ACTR2: variants seen among roughly 807,000 people sequenced by gnomAD.
ACTR2 encodes actin-related protein 2.
Under a neutral mutation model 50.2 loss-of-function variants are expected in ACTR2, and 5 were observed. That is an observed-to-expected ratio of 0.10 (90% CI 0.05 to 0.21). ACTR2 has a LOEUF of 0.21. ACTR2 is among the 10% of genes least tolerant of loss of function. The pLI, the probability that ACTR2 is intolerant of heterozygous loss-of-function variation, is 1.00. For synonymous variants in ACTR2, 140 were observed against 162.9 expected (o/e 0.86, Z 1.07); for missense variants, 180 against 480.6 (o/e 0.37, Z 5.85).
intron 6 of ACTR2, among the ~76,000 whole-genome samples, chr2:65,256,809 T>A (rs181901978): frequency 6.6e-4 from 99 of 149,882 alleles, no homozygotes; most frequent in African/African-American, 2.3e-3. Flanking sequence ...GAGGCAGAGG[T>A]TGCAGTGAGC....
At chr2:65,241,466 T>A (rs1671838972) in intron 2 of ACTR2, among the ~76,000 whole-genome samples, 1 of 152,202 alleles carries the variant, frequency 6.6e-6, no homozygotes, top group Non-Finnish European at 1.5e-5. Context: ...GCCAAGGAAT[T>A]CCCTAGCAGC....
chr2:65,263,822 G>A (rs1005508507), intron 7 of ACTR2, among the ~76,000 whole-genome samples: 3 of 72,376 alleles, frequency 4.1e-5, no homozygotes, highest in African/African-American at 1.5e-4. Context: ...GGTGAATCAC[G>A]AGGCCGGCGA....
At chr2:65,248,102 C>G (rs977982687) in intron 3 of ACTR2, among the ~76,000 whole-genome samples, 1 of 152,042 alleles carries the variant, frequency 6.6e-6, no homozygotes, top group African/African-American at 2.4e-5. Flanking sequence ...CTTGTAGGCT[C>G]TAATTAGGAA....
intron 2 of ACTR2, among the ~76,000 whole-genome samples, chr2:65,246,012 T>C (rs1210480980): frequency 6.6e-6 from 1 of 152,238 alleles, no homozygotes; most frequent in East Asian, 1.9e-4. Flanking sequence ...AGTTGGTGTA[T>C]GTATGCATTA....
intron 4 of ACTR2, among the ~76,000 whole-genome samples, chr2:65,252,466 C>A (rs1672071411): frequency 6.6e-6 from 1 of 151,130 alleles, no homozygotes; most frequent in South Asian, 2.1e-4. Flanking sequence ...CTGTGAAACC[C>A]CGTCTCTACT....
chr2:65,237,139 A>G (rs549288369), intron 1 of ACTR2, among the ~76,000 whole-genome samples: 4 of 152,380 alleles, frequency 2.6e-5, no homozygotes, highest in African/African-American at 9.6e-5. Flanking sequence ...CTAACATTAA[A>G]TAAATGCTTG....
intron 1 of ACTR2, 36 bp downstream of exon 1, chr2:65,227,993 A>G (rs952994062): frequency 4.0e-6 from 6 of 1,481,668 alleles, no homozygotes; most frequent in Non-Finnish European, 4.5e-6. Context: ...GCGGCCACAG[A>G]CGCCGGCGGG....
chr2:65,261,077 C>G (rs1175431881), intron 6 of ACTR2, among the ~76,000 whole-genome samples, 170 bp from the exon 7 acceptor site: 3 of 149,420 alleles, frequency 2.0e-5, no homozygotes, highest in African/African-American at 7.4e-5. Flanking sequence ...AGAGCAGTTA[C>G]CTAAATCTAT....
chr2:65,249,417 CTGAT>C (rs2104000618), intron 3 of ACTR2, among the ~76,000 whole-genome samples: 1 of 152,280 alleles, frequency 6.6e-6, no homozygotes, highest in South Asian at 2.1e-4. Flanking sequence ...ATGTCTATGA[CTGAT>C]AGTGTCCTAC....
rs1271773159 is a variant in ACTR2, at chr2:65,269,456, A to G, written c.*722A>G. ...CTGCCTGGAGCTGTTTCCATATGAT[A>G]TAAAAAGCAAGTGTAGTATTCCATT... On this transcript the variant is annotated 3_prime_UTR_variant, in exon 9 of 9. Coordinates refer to ENST00000260641, the MANE Select transcript of ACTR2 (RefSeq NM_005722.4). 1.3e-5 allele frequency: 2 copies of G among 152,174 alleles called. No homozygotes were observed. The highest frequency in any genetic ancestry group is 6.5e-5 in the Admixed American group (1 of 15,268). 9.4% of individuals were successfully genotyped at this position (152,174 alleles called of 1,614,324 possible). A position where few individuals can be genotyped will look rare whatever the true frequency, so the allele number is the denominator to read the frequency against.
At chr2:65,242,128 G>A (rs556345476) in intron 2 of ACTR2, 2 of 1,211,234 alleles carry the variant, frequency 1.7e-6, no homozygotes, top group Admixed American at 1.7e-5. Flanking sequence ...AGTAGTTGTT[G>A]TTTTGTGTCC....
intron 2 of ACTR2, chr2:65,242,192 AT>A (rs1326244505): frequency 1.5e-6 from 1 of 679,578 alleles, no homozygotes; most frequent in East Asian, 2.5e-5. Flanking sequence ...AAGTACTTTG[AT>A]TTTTAACCTT....
rs543055231 is a variant in ACTR2 at position 65,231,367 on chromosome 2, C to A, written c.48+3410C>A. Among the ~76,000 whole-genome samples the A allele has an allele frequency of 5.3e-5, 8 of 152,262 alleles. No individual in the cohort carries two copies. The South Asian group carries it at 1.7e-3, about 32-fold the overall frequency. ...ACCGCTTAGATTGTGTATTCTGTTT[C>A]TTACCATTTGTAGACATGAATAATC... On this transcript the variant is annotated intron_variant, in intron 1 of 8. Coordinates refer to ENST00000260641, the MANE Select transcript of ACTR2 (RefSeq NM_005722.4).
intron 1 of ACTR2, among the ~76,000 whole-genome samples, chr2:65,238,597 T>TG (rs1398166565): frequency 6.9e-6 from 1 of 144,342 alleles, no homozygotes; most frequent in Non-Finnish European, 1.5e-5. Flanking sequence ...AGGTGGAGCT[T>TG]GCGGTGAGCC....
intron 1 of ACTR2, among the ~76,000 whole-genome samples, chr2:65,234,583 G>A (rs1420928605): frequency 6.6e-6 from 1 of 152,178 alleles, no homozygotes; most frequent in Non-Finnish European, 1.5e-5. Context: ...ATAATTGGAA[G>A]ACTTTGAGTG....
At chr2:65,230,916 T>C (rs1437248359) in intron 1 of ACTR2, among the ~76,000 whole-genome samples, 2 of 151,900 alleles carry the variant, frequency 1.3e-5, no homozygotes, top group Non-Finnish European at 2.9e-5. Context: ...TAGCCGGGTG[T>C]GGTTTCTGAT....
chr2:65,236,561 G>GT (rs112883776), intron 1 of ACTR2, among the ~76,000 whole-genome samples: 2,105 of 151,854 alleles, frequency 0.014, 53 homozygotes, highest in African/African-American at 0.048. Context: ...TTGGTTTTTT[G>GT]TTTTTTTGGG....
At chr2:65,232,752 C>T (rs946853083) in intron 1 of ACTR2, among the ~76,000 whole-genome samples, 4 of 152,068 alleles carry the variant, frequency 2.6e-5, no homozygotes, top group African/African-American at 4.8e-5. Flanking sequence ...CATATTCTTA[C>T]CATTTGATGA....
chr2:65,265,752 T>A (rs1280892953), intron 8 of ACTR2, among the ~76,000 whole-genome samples: 2 of 152,148 alleles, frequency 1.3e-5, no homozygotes, highest in African/African-American at 2.4e-5. Context: ...TGGCATAGGT[T>A]TTTGTGTTTT....
Sources: gnomAD v4.1 joint callset for allele counts (sites outside exome capture counted in the v4.1 genomes callset) on GRCh38, gnomAD v4.1.1 for gene constraint, MANE v1.5 for transcripts, NCBI Gene and HGNC (gene_info 2026-07-23, HGNC 2026-07-21) for gene names.